The following DCUN1D4 variants were observed in gnomAD, a reference collection of about 807,000 sequenced individuals.
DCUN1D4 encodes the protein defective in cullin neddylation 1 domain containing 4.
A neutral mutation model predicts 47.9 loss-of-function variants in DCUN1D4; 22 were observed. The ratio of observed to expected loss-of-function variants is 0.46; its 90% CI spans 0.33 to 0.66. The LOEUF (loss-of-function observed/expected upper bound fraction) is 0.66, where lower values mean the gene tolerates loss of function less well. Ranked by LOEUF, DCUN1D4 falls within the 30% of genes least tolerant of loss-of-function variation. DCUN1D4 has a pLI of 0.02. For synonymous variants in DCUN1D4, 121 were observed against 112.2 expected, an observed-to-expected ratio of 1.08 and a Z score of -0.50; for missense variants, 301 against 340.8, an observed-to-expected ratio of 0.88 and a Z score of 0.92.
At chr4:51,862,204 T>C (rs1463938076) in intron 1 of DCUN1D4, among the ~76,000 whole-genome samples, 1 of 152,240 alleles carries the variant, frequency 6.6e-6, no homozygotes, top group Non-Finnish European at 1.5e-5. Context: ...CATATGCACA[T>C]GTATGTATAC....
upstream of DCUN1D4, among the ~76,000 whole-genome samples, chr4:51,838,942 G>A (rs1039887568): frequency 2.0e-5 from 3 of 152,164 alleles, no homozygotes; most frequent in African/African-American, 7.2e-5. Context: ...GGGTGTGGTG[G>A]CGTGTGCCTG....
At chr4:51,901,595 GA>G (rs1269536859) in intron 8 of DCUN1D4, among the ~76,000 whole-genome samples, 11 of 152,214 alleles carry the variant, frequency 7.2e-5, no homozygotes, top group African/African-American at 2.7e-4. Context: ...CCCTGGGTCT[GA>G]GCCATGTGCT....
intron 3 of DCUN1D4, among the ~76,000 whole-genome samples, chr4:51,873,315 G>T (rs1319215384): frequency 6.6e-6 from 1 of 152,132 alleles, no homozygotes; most frequent in African/African-American, 2.4e-5. Context: ...AATTATCTTT[G>T]CCCTGCCTGT....
In DCUN1D4 at chr4:51,915,697, T is replaced by C. The variant is rs746045919; in HGVS notation, c.*2113T>C. Reference sequence around the variant, plus strand: ...TTATTTTAAACACTATGTTAGAATATAGAGATTTTTAAAAAATGCTGATAA... The same window carrying C: ...TTATTTTAAACACTATGTTAGAATACAGAGATTTTTAAAAAATGCTGATAA... On this transcript the variant is annotated 3_prime_UTR_variant, in exon 11 of 11. Transcript: ENST00000334635. The C allele has an allele frequency of 5.9e-5, 9 of 152,574 alleles. No individual in the cohort carries two copies. The highest frequency in any genetic ancestry group is 2.1e-4 in the South Asian group (1 of 4,828). The allele number at this position is 152,574 out of a possible 1,614,324, so 9.5% of individuals were successfully genotyped here. A position where few individuals can be genotyped will look rare whatever the true frequency, so the allele number is the denominator to read the frequency against.
intron 6 of DCUN1D4, among the ~76,000 whole-genome samples, chr4:51,891,518 C>T (rs573604000): frequency 6.6e-6 from 1 of 152,306 alleles, no homozygotes; most frequent in Admixed American, 6.5e-5. Flanking sequence ...CCTCCACTAT[C>T]GTGCATCAGG....
upstream of DCUN1D4, among the ~76,000 whole-genome samples, chr4:51,842,650 C>A (rs934110000): frequency 2.0e-5 from 3 of 152,216 alleles, no homozygotes; most frequent in African/African-American, 7.2e-5. Context: ...TGGCGGGAGA[C>A]CCGGCCGCGT....
In DCUN1D4 at chr4:51,874,433, G is replaced by A. The variant is rs200091269; in HGVS notation, c.251+48G>A. On this transcript the variant is annotated intron_variant, in intron 4 of 10. Coordinates refer to ENST00000334635, the MANE Select transcript of DCUN1D4 (RefSeq NM_001040402.3). ...CAGAATCAGTGATACATATGTCGAAGATGCACATTTCTACCTAATTCAGTG... is the reference window on the plus strand; with the variant it reads ...CAGAATCAGTGATACATATGTCGAAAATGCACATTTCTACCTAATTCAGTG... The A allele has an allele frequency of 2.5e-5, 35 of 1,421,588 alleles. 1 individual carries two copies. The highest frequency in any genetic ancestry group is 2.1e-4 in the South Asian group (17 of 81,180). 88.1% of individuals were successfully genotyped at this position (1,421,588 alleles called of 1,614,324 possible). A position where few individuals can be genotyped will look rare whatever the true frequency, so the allele number is the denominator to read the frequency against.
At chr4:51,842,234 G>C (rs1721720976), upstream of DCUN1D4, among the ~76,000 whole-genome samples, 1 of 152,126 alleles carries the variant, frequency 6.6e-6, no homozygotes, top group South Asian at 2.1e-4. Flanking sequence ...GCCGCCGGGG[G>C]TCTTTCACGG....
chr4:51,892,012 AG>A (rs770270573), intron 7 of DCUN1D4, among the ~76,000 whole-genome samples, 161 bp downstream of exon 7: 3 of 152,282 alleles, frequency 2.0e-5, no homozygotes, highest in Middle Eastern at 3.4e-3. Flanking sequence ...ACCCATTTTG[AG>A]GACTATTCTG....
chr4:51,897,717 TC>T (rs1731483299), intron 7 of DCUN1D4, among the ~76,000 whole-genome samples: 1 of 152,324 alleles, frequency 6.6e-6, no homozygotes, highest in South Asian at 2.1e-4. Flanking sequence ...GGTGAGCTGT[TC>T]CATCTTGTGC....
chr4:51,875,195 G>A (rs187177310), intron 4 of DCUN1D4: 15 of 152,242 alleles, frequency 9.9e-5, no homozygotes, highest in Admixed American at 9.8e-4. Context: ...TAATGTCATT[G>A]TTTATATCTC....
chr4:51,845,340 G>A, intron 1 of DCUN1D4: 1 of 938,270 alleles, frequency 1.1e-6, no homozygotes, highest in South Asian at 4.9e-5. Context: ...ATGGAGGTGG[G>A]TTAGTGGAAT....
chr4:51,846,506 A>G (rs1332803189), intron 1 of DCUN1D4, among the ~76,000 whole-genome samples: 2 of 152,310 alleles, frequency 1.3e-5, no homozygotes, highest in East Asian at 3.9e-4. Context: ...AGTTGCTCCC[A>G]GCAGCTCTTC....
chr4:51,883,982 A>T (rs1245946116), intron 5 of DCUN1D4, among the ~76,000 whole-genome samples: 2 of 148,624 alleles, frequency 1.3e-5, no homozygotes, highest in African/African-American at 4.9e-5. Flanking sequence ...GGAATATATA[A>T]ATATATATAT....
chr4:51,878,342 G>A (rs887054830), intron 5 of DCUN1D4, among the ~76,000 whole-genome samples: 1 of 152,114 alleles, frequency 6.6e-6, no homozygotes, highest in Non-Finnish European at 1.5e-5. Flanking sequence ...GTAATATAAT[G>A]TTGCGACCTG....
At chr4:51,861,703 G>A (rs1273634187) in intron 1 of DCUN1D4, among the ~76,000 whole-genome samples, 2 of 151,770 alleles carry the variant, frequency 1.3e-5, no homozygotes, top group Non-Finnish European at 2.9e-5. Context: ...TGTTTTTTTG[G>A]GGGCCCAAGA....
intron 7 of DCUN1D4, among the ~76,000 whole-genome samples, chr4:51,895,418 G>A (rs1484785394): frequency 6.6e-6 from 1 of 151,966 alleles, no homozygotes; most frequent in African/African-American, 2.4e-5. Flanking sequence ...GGGGCAGGAC[G>A]TGGGTGGTAT....
At chr4:51,835,118 T>TG in the DCUN1D4 span, among the ~76,000 whole-genome samples, 1 of 152,298 alleles carries the variant, frequency 6.6e-6, no homozygotes, top group Middle Eastern at 3.4e-3. Context: ...GAATCTGTGT[T>TG]GGGGATGCAG....
At chr4:51,863,993 A>C (rs931559059) in intron 3 of DCUN1D4, among the ~76,000 whole-genome samples, 1 of 152,252 alleles carries the variant, frequency 6.6e-6, no homozygotes, top group Non-Finnish European at 1.5e-5. Context: ...TTTATATTAA[A>C]AAGGTGCTAC....
Sources: allele counts gnomAD v4.1 joint callset (sites outside exome capture counted in the v4.1 genomes callset), GRCh38; gene constraint gnomAD v4.1.1; transcripts MANE v1.5; gene names NCBI Gene and HGNC (gene_info 2026-07-23, HGNC 2026-07-21).